SOCS6: variants seen among roughly 807,000 people sequenced by gnomAD.
The protein encoded by SOCS6 is suppressor of cytokine signaling 6.
In SOCS6, 5 loss-of-function variants were observed where a neutral mutation model predicts 27.7. The observed-to-expected ratio is 0.18, with a 90% CI of 0.09 to 0.38. The LOEUF (loss-of-function observed/expected upper bound fraction) is 0.38. Ranked by LOEUF, SOCS6 falls within the 10% of genes least tolerant of loss-of-function variation. The pLI, the probability that SOCS6 is intolerant of heterozygous loss-of-function variation, is 1.00. For synonymous variants in SOCS6, 271 were observed against 260.0 expected, an observed-to-expected ratio of 1.04 and a Z score of -0.41; for missense variants, 595 against 688.1, an observed-to-expected ratio of 0.86 and a Z score of 1.51.
At chr18:70,296,266 T>C (rs2062322289) in intron 1 of SOCS6, among the ~76,000 whole-genome samples, 1 of 152,202 alleles carries the variant, frequency 6.6e-6, no homozygotes, top group South Asian at 2.1e-4. Context: ...GTATAAAATT[T>C]CAGGTTAATA....
chr18:70,319,105 A>G (rs1027018631), intron 1 of SOCS6, among the ~76,000 whole-genome samples: 3 of 150,470 alleles, frequency 2.0e-5, no homozygotes, highest in Non-Finnish European at 4.5e-5. Flanking sequence ...ATTCTTTTTT[A>G]TTATATGGTC....
intron 1 of SOCS6, among the ~76,000 whole-genome samples, chr18:70,292,607 C>G (rs2062304926): frequency 6.6e-6 from 1 of 152,160 alleles, no homozygotes; most frequent in Admixed American, 6.5e-5. Context: ...CTTTGCCTCC[C>G]AAAGTGTTGG....
chr18:70,323,926 T>C (rs1911085488), intron 1 of SOCS6, among the ~76,000 whole-genome samples: 1 of 152,060 alleles, frequency 6.6e-6, no homozygotes, highest in Non-Finnish European at 1.5e-5. Context: ...CTGGGAAGGA[T>C]GTGGACACTG....
Position 70,326,437 on chromosome 18 carries a change from A to G in SOCS6, c.*161A>G. 2 of 649,486 alleles carry G rather than the reference A, an allele frequency of 3.1e-6. No individual in the cohort carries two copies. The highest frequency in any genetic ancestry group is 5.3e-6 in the Non-Finnish European group (2 of 376,660). 40.2% of individuals were successfully genotyped at this position (649,486 alleles called of 1,614,324 possible). A position where few individuals can be genotyped will look rare whatever the true frequency, so the allele number is the denominator to read the frequency against. ...TGTTTAGGGGTGGGGAAGTGTCAGC[A>G]AGGTGTCTTGGGTTTATTTTGGTTC... On this transcript the variant is annotated 3_prime_UTR_variant, in exon 2 of 2. Transcript: ENST00000397942.
In SOCS6 at chr18:70,329,190, A is replaced by G. The variant is rs1050787635; in HGVS notation, c.*2914A>G. 3 of 167,106 alleles carry G rather than the reference A, an allele frequency of 1.8e-5. No individual in the cohort carries two copies. The highest frequency in any genetic ancestry group is 2.9e-5 in the Non-Finnish European group (2 of 68,118). The allele number at this position is 167,106 out of a possible 1,614,324, so 10.4% of individuals were successfully genotyped here. ...TCTAATTCTCTTTCTGTCTAAGGAA[A>G]ACTCTTTCTACTTGGTGCAATAATC... On this transcript the variant is annotated 3_prime_UTR_variant, in exon 2 of 2. Coordinates refer to ENST00000397942, the MANE Select transcript of SOCS6 (RefSeq NM_004232.4).
At chr18:70,299,742 G>A (rs1187211540) in intron 1 of SOCS6, among the ~76,000 whole-genome samples, 2 of 152,076 alleles carry the variant, frequency 1.3e-5, no homozygotes, top group African/African-American at 2.4e-5. Flanking sequence ...AAAGATATAG[G>A]AACTGTGCCA....
At chr18:70,306,477 C>CAAA (rs55702216) in intron 1 of SOCS6, among the ~76,000 whole-genome samples, 47 of 92,558 alleles carry the variant, frequency 5.1e-4, no homozygotes, top group African/African-American at 7.2e-4. Flanking sequence ...GACTCCATCT[C>CAAA]AAAAAAAAAA....
chr18:70,298,853 G>A (rs569114274), intron 1 of SOCS6, among the ~76,000 whole-genome samples: 2 of 152,250 alleles, frequency 1.3e-5, no homozygotes, highest in South Asian at 4.1e-4. Flanking sequence ...GGCTGGGTGC[G>A]GTGGCTCACA....
Position 70,326,070 on chromosome 18 carries a change from G to C in SOCS6, c.1402G>C (p.Gly468Arg). ...GCATTCAATCAGGGACTCTGAAAAT[G>C]GAGCTTTTTGTTATTCAAGGTCTCG... ...IEHSIRDSEN[G>R]AFCYSRSRLP... Residue 468 changes from glycine (G) to arginine (R), a missense_variant, in exon 2 of 2, where the codon GGA (glycine) becomes CGA (arginine). Physicochemically the swap from Gly to Arg is moderately radical, Grantham distance 125. This residue lies in a region of SOCS6 where 128 missense variants were observed against 207.0 expected (regional missense o/e 0.62). Coordinates refer to ENST00000397942, the MANE Select transcript of SOCS6 (RefSeq NM_004232.4). The C allele has an allele frequency of 6.2e-7, 1 of 1,614,198 alleles. No homozygotes were observed. Among genetic ancestry groups the C allele is most frequent in the Non-Finnish European group, 8.5e-7 (1 of 1,180,026 alleles).
At chr18:70,311,609 C>T (rs184756601) in intron 1 of SOCS6, among the ~76,000 whole-genome samples, 7 of 152,106 alleles carry the variant, frequency 4.6e-5, no homozygotes, top group Non-Finnish European at 8.8e-5. Context: ...TAAAAGTCAA[C>T]TTCCTGATCC....
chr18:70,313,431 T>A (rs1274724122), intron 1 of SOCS6, among the ~76,000 whole-genome samples: 6 of 152,172 alleles, frequency 3.9e-5, no homozygotes, highest in Non-Finnish European at 8.8e-5. Context: ...TTCAAGGTTT[T>A]ATGTTATGTA....
chr18:70,313,765 T>C (rs1014153944), intron 1 of SOCS6, among the ~76,000 whole-genome samples: 8 of 152,244 alleles, frequency 5.3e-5, no homozygotes, highest in African/African-American at 1.9e-4. Flanking sequence ...TGTTTTAATA[T>C]GTCATGTAGC....
At chr18:70,316,539 C>T (rs762776632) in intron 1 of SOCS6, among the ~76,000 whole-genome samples, 8 of 152,050 alleles carry the variant, frequency 5.3e-5, no homozygotes, top group Non-Finnish European at 1.0e-4. Context: ...AGATTTTTGG[C>T]AGATTTTTTT....
At chr18:70,315,997 C>G (rs938179011) in intron 1 of SOCS6, among the ~76,000 whole-genome samples, 9 of 151,884 alleles carry the variant, frequency 5.9e-5, no homozygotes, top group African/African-American at 1.7e-4. Context: ...CAGCCTCACT[C>G]CTGCCACCAC....
At chr18:70,309,255 A>T (rs1009682124) in intron 1 of SOCS6, among the ~76,000 whole-genome samples, 7 of 152,192 alleles carry the variant, frequency 4.6e-5, no homozygotes, top group Non-Finnish European at 1.0e-4. Context: ...TAAATAATAA[A>T]AAAACTTTTT....
chr18:70,317,838 C>T (rs1248200068), intron 1 of SOCS6, among the ~76,000 whole-genome samples: 1 of 152,052 alleles, frequency 6.6e-6, no homozygotes, highest in Admixed American at 6.6e-5. Flanking sequence ...CACATTCACA[C>T]CAACATCGTT....
chr18:70,324,883 G>A lies in SOCS6; in HGVS notation c.215G>A (p.Ser72Asn), dbSNP rs368532175. 6.2e-6 allele frequency: 10 copies of A among 1,614,046 alleles called. No individual in the cohort carries two copies. Among genetic ancestry groups the A allele is most frequent in the African/African-American group, 1.3e-5 (1 of 74,910 alleles). Reference protein sequence around the residue: ...KGGKNRSKSESLMGTLKRRLS... With the variant: ...KGGKNRSKSENLMGTLKRRLS... Reference sequence around the variant, plus strand: ...GGAAAAAACAGATCAAAAAGCGAGAGCCTGATGGGTACGCTAAAAAGGCGG... The same window carrying A: ...GGAAAAAACAGATCAAAAAGCGAGAACCTGATGGGTACGCTAAAAAGGCGG... The change falls in exon 2 of 2, where the codon AGC becomes AAC. Residue 72 changes from serine to asparagine, a missense_variant. This residue lies in a region of SOCS6 where 467 missense variants were observed against 481.1 expected (regional missense o/e 0.97). Transcript: ENST00000397942.
At chr18:70,301,677 G>A (rs138681768) in intron 1 of SOCS6, among the ~76,000 whole-genome samples, 150 of 152,090 alleles carry the variant, frequency 9.9e-4, no homozygotes, top group African/African-American at 3.3e-3. Context: ...AGGGCACATC[G>A]ATGCTATGCA....
At chr18:70,296,583 TGTAA>T (rs1341124287) in intron 1 of SOCS6, 2 of 152,262 alleles carry the variant, frequency 1.3e-5, no homozygotes, top group Non-Finnish European at 2.9e-5. Flanking sequence ...GGGTCATAGT[TGTAA>T]GTGTGTTTCC....
Sources: gnomAD v4.1 joint callset for allele counts (sites outside exome capture counted in the v4.1 genomes callset) on GRCh38, gnomAD v4.1.1 for gene constraint, gnomAD v4.1.1 regional missense constraint, MANE v1.5 for transcripts, NCBI Gene and HGNC (gene_info 2026-07-23, HGNC 2026-07-21) for gene names.